The following MTF1 variants were observed in gnomAD, a reference collection of about 807,000 sequenced individuals.
The protein encoded by MTF1 is metal regulatory transcription factor 1.
MTF1 carries 22 observed loss-of-function variants against 70.4 expected under a neutral mutation model. The observed-to-expected ratio is 0.31, with a 90% confidence interval of 0.22 to 0.45. MTF1 has a LOEUF of 0.45. MTF1 is among the 20% of genes least tolerant of loss of function. The pLI is 1.00. For synonymous variants in MTF1, 333 were observed against 352.8 expected, an observed-to-expected ratio of 0.94 and a Z score of 0.63; for missense variants, 649 against 922.0, an observed-to-expected ratio of 0.70 and a Z score of 3.83.
In MTF1 at chr1:37,835,741, G is replaced by A. The variant is rs373159012; in HGVS notation, c.783C>T (p.Cys261=). The change falls in exon 5 of 11, where the codon TGC becomes TGT. Residue 261 remains cysteine, a synonymous_variant. Transcript: ENST00000373036. ...ATGCTTTTCCACAGCCATCGTGATC[G>A]CACCTAAATTTGTTAAGGAAAGAGA... The part of the protein sequence containing the change: ...RTHTGEKPFR[C]DHDGCGKAFA... 6.0e-5 allele frequency: 96 copies of A among 1,613,340 alleles called. No individual in the cohort carries two copies. Among genetic ancestry groups the A allele is most frequent in the Non-Finnish European group, 7.3e-5 (86 of 1,179,536 alleles).
intron 9 of MTF1, among the ~76,000 whole-genome samples, chr1:37,819,870 T>G (rs1156385469): frequency 6.9e-6 from 1 of 144,170 alleles, no homozygotes; most frequent in Non-Finnish European, 1.5e-5. Flanking sequence ...GAGAATCGCT[T>G]GAAGCCAGGA....
rs60631218 is a variant in MTF1 at position 37,837,914 on chromosome 1, C to T, written c.779+711G>A. Among the ~76,000 whole-genome samples, 963 of 152,258 alleles carry T rather than the reference C, an allele frequency of 6.3e-3. 14 individuals are homozygous for T. The highest frequency in any genetic ancestry group is 0.021 in the African/African-American group (880 of 41,546). On this transcript the variant is annotated intron_variant, in intron 4 of 10. Coordinates refer to ENST00000373036, the MANE Select transcript of MTF1 (RefSeq NM_005955.3). The stretch of plus-strand genomic sequence containing the variant: ...CATTAAAAATGTCATATAATCATCC[C>T]AAAGCTGATTTTGAATACCTGTTGA...
Position 37,857,886 on chromosome 1 carries a change from A to C in MTF1, c.-51-177T>G, listed in dbSNP as rs1301542693. 2.0e-5 allele frequency among the ~76,000 whole-genome samples: 3 copies of C among 152,120 alleles called. No individual in the cohort carries two copies. In the East Asian group the frequency reaches 5.8e-4, roughly 29 times the overall value. ...AACCATCAAGTCATTTTTAAAGAAA[A>C]GCAATGCCGACTGGGCGTGGTGGCT... On this transcript the variant is annotated intron_variant, in intron 1 of 10. Coordinates refer to ENST00000373036, the MANE Select transcript of MTF1 (RefSeq NM_005955.3).
intron 5 of MTF1, 72 bp downstream of exon 5, chr1:37,835,599 C>A: frequency 9.0e-7 from 1 of 1,114,152 alleles, no homozygotes; most frequent in Non-Finnish European, 1.4e-6. Context: ...TGTATATCCA[C>A]CTAGCTCTAC....
Position 37,824,695 on chromosome 1 carries a change from AAAC to A in MTF1, c.1069-886_1069-884del, listed in dbSNP as rs778106929. On this transcript the variant is annotated intron_variant, in intron 7 of 10. Transcript: ENST00000373036. ...CGTGGGCGACAGAGCAAGACTCCGTAAACAACAACAAAAAAATTATATAATATT... is the reference window on the plus strand; with the variant it reads ...CGTGGGCGACAGAGCAAGACTCCGTAAACAACAAAAAAATTATATAATATT... 9.9e-5 allele frequency among the ~76,000 whole-genome samples: 15 copies of A among 152,242 alleles called. No individual in the cohort carries two copies. The South Asian group carries it at 1.5e-3, about 15-fold the overall frequency.
chr1:37,835,755 T>G lies in MTF1; in HGVS notation c.780-11A>C, dbSNP rs886947385. 6.2e-7 allele frequency: 1 copy of G among 1,612,550 alleles called. No homozygotes were observed. On this transcript the variant is annotated splice_polypyrimidine_tract_variant and intron_variant, in intron 4 of 10. Transcript: ENST00000373036. ...CCATCGTGATCGCACCTAAATTTGT[T>G]AAGGAAAGAGAAACAGGAGTCATTA...
intron 9 of MTF1, among the ~76,000 whole-genome samples, chr1:37,820,461 A>C (rs569114850): frequency 6.6e-6 from 1 of 152,356 alleles, no homozygotes; most frequent in South Asian, 2.1e-4. Flanking sequence ...AACTTCAGCC[A>C]GTCACTTAAC....
At chr1:37,830,137 T>C (rs1310846244) in intron 7 of MTF1, among the ~76,000 whole-genome samples, 2 of 152,216 alleles carry the variant, frequency 1.3e-5, no homozygotes, top group Admixed American at 6.5e-5. Context: ...CTAGAAATCT[T>C]AGGCTGGGTA....
At chr1:37,819,218 A>G (rs1640872037) in intron 9 of MTF1, among the ~76,000 whole-genome samples, 1 of 152,212 alleles carries the variant, frequency 6.6e-6, no homozygotes. Flanking sequence ...TGTTATAAGC[A>G]ACAGAAAATG....
intron 9 of MTF1, among the ~76,000 whole-genome samples, chr1:37,819,883 C>T (rs984814996): frequency 3.6e-5 from 5 of 138,084 alleles, no homozygotes; most frequent in African/African-American, 1.4e-4. Context: ...AGCCAGGAGG[C>T]GGAGGTTGCA....
At chr1:37,827,350 T>C (rs564984347) in intron 7 of MTF1, among the ~76,000 whole-genome samples, 17 of 149,018 alleles carry the variant, frequency 1.1e-4, no homozygotes, top group Non-Finnish European at 2.5e-4. Context: ...TTATTATTAT[T>C]ATTATTATTA....
chr1:37,842,168 G>A (rs915076825), intron 2 of MTF1, among the ~76,000 whole-genome samples: 1 of 152,282 alleles, frequency 6.6e-6, no homozygotes, highest in East Asian at 1.9e-4. Context: ...TTAGGAGGCT[G>A]AGGTGGGAAG....
chr1:37,836,436 TAAG>T (rs970030555), intron 4 of MTF1, among the ~76,000 whole-genome samples: 32 of 152,180 alleles, frequency 2.1e-4, no homozygotes, highest in African/African-American at 7.2e-4. Flanking sequence ...CAATGTAACA[TAAG>T]AACAAAATCA....
At chr1:37,831,567 G>T (rs754985723) in intron 7 of MTF1, among the ~76,000 whole-genome samples, 14 of 152,210 alleles carry the variant, frequency 9.2e-5, no homozygotes, top group Admixed American at 2.0e-4. Flanking sequence ...CAACATGGAG[G>T]AGGCTGCATA....
Position 37,815,183 on chromosome 1 carries a change from G to T in MTF1, c.2215C>A (p.Leu739Met). ...PSNLIPIEAL[L>M]QGEEEMGLTS... ...AGGCCCATCTCCTCCTCCCCCTGCA[G>T]TAGTGCTTCAATGGGAATCAGATTG... The change falls in exon 11 of 11, where the codon CTG (leucine) becomes ATG (methionine). Residue 739 changes from leucine (L) to methionine (M), a missense_variant. Physicochemically the swap from Leu to Met is conservative, Grantham distance 15. Coordinates refer to ENST00000373036, the MANE Select transcript of MTF1 (RefSeq NM_005955.3). This position sits in a 1 kb window ranked among gnomAD's most constrained non-coding sequence, Gnocchi z 4.5. The T allele has an allele frequency of 1.9e-6, 3 of 1,614,194 alleles. No individual in the cohort carries two copies. The highest frequency in any genetic ancestry group is 2.5e-6 in the Non-Finnish European group (3 of 1,180,042).
chr1:37,851,363 T>A (rs904552300), intron 2 of MTF1, among the ~76,000 whole-genome samples: 1 of 152,226 alleles, frequency 6.6e-6, no homozygotes, highest in African/African-American at 2.4e-5. Flanking sequence ...AATATGATTA[T>A]CAATGATCTG....
intron 6 of MTF1, among the ~76,000 whole-genome samples, chr1:37,832,678 C>A (rs951821135): frequency 1.3e-5 from 2 of 152,062 alleles, no homozygotes; most frequent in Non-Finnish European, 2.9e-5. Context: ...GATATTCTTA[C>A]AAGAATATCT....
intron 7 of MTF1, among the ~76,000 whole-genome samples, chr1:37,829,241 A>T: frequency 6.6e-6 from 1 of 151,786 alleles, no homozygotes; most frequent in African/African-American, 2.4e-5. Context: ...GATAGCTGGG[A>T]CAACACCAGC....
rs1288377524 is a variant in MTF1 at position 37,857,308 on chromosome 1, A to T, written c.351T>A (p.Asn117Lys). The part of the protein sequence containing the change: ...INPGSTPMPR[N>K]IEGATLTLQS... ...GCAGAGTGAGGGTTGCACCTTCAAT[A>T]TTTCTTGGCATGGGTGTGGAACCAG... The change falls in exon 2 of 11, where the codon AAT becomes AAA. Residue 117 changes from asparagine (N) to lysine (K), a missense_variant. This residue lies in a region of MTF1 where 118 missense variants were observed against 287.2 expected (regional missense o/e 0.41). Coordinates refer to ENST00000373036, the MANE Select transcript of MTF1 (RefSeq NM_005955.3). The T allele has an allele frequency of 6.2e-7, 1 of 1,614,070 alleles. No homozygotes were observed. The highest frequency in any genetic ancestry group is 1.7e-5 in the Admixed American group (1 of 59,994).
Sources: gnomAD v4.1 joint callset for allele counts (sites outside exome capture counted in the v4.1 genomes callset) on GRCh38, gnomAD v4.1.1 for gene constraint, gnomAD v4.1.1 regional missense constraint, Gnocchi (gnomAD v3.1) non-coding constraint, MANE v1.5 for transcripts, NCBI Gene and HGNC (gene_info 2026-07-23, HGNC 2026-07-21) for gene names.